Variants in ATP2A2 observed in about 807,000 individuals in gnomAD.
The protein encoded by ATP2A2 is sarcoplasmic/endoplasmic reticulum calcium ATPase 2.
Under a neutral mutation model 109.3 loss-of-function variants are expected in ATP2A2, and 14 were observed. That is an observed-to-expected ratio of 0.13 (90% CI 0.08 to 0.20). The LOEUF (loss-of-function observed/expected upper bound fraction) is 0.20, where lower values mean the gene tolerates loss of function less well. Among genes scored for constraint, ATP2A2 ranks in the 10% least tolerant of loss-of-function variants. The pLI is 1.00. For synonymous variants in ATP2A2, 506 were observed against 490.9 expected (o/e 1.03, Z -0.41); for missense variants, 657 against 1,321.6 (o/e 0.50, Z 7.80).
rs1592863811 is a variant in ATP2A2, at chr12:110,342,535, G to A, written c.2318+87G>A. ...GTTCTCGCAGTTTGCTCTCCAGATT[G>A]CAGCAGCTTTGGTCTTTGTGCCTGA... On this transcript the variant is annotated intron_variant, in intron 15 of 19. Transcript: ENST00000539276. The surrounding 1 kb of genome is among the most constrained non-coding windows in gnomAD (Gnocchi z 4.6). The A allele has an allele frequency of 1.4e-6, 2 of 1,452,974 alleles. No individual in the cohort carries two copies. Among genetic ancestry groups the A allele is most frequent in the East Asian group, 4.8e-5 (2 of 41,730 alleles). 90.0% of individuals were successfully genotyped at this position (1,452,974 alleles called of 1,614,324 possible).
intron 3 of ATP2A2, among the ~76,000 whole-genome samples, chr12:110,284,967 G>C (rs1205871532): frequency 6.6e-6 from 1 of 152,156 alleles, no homozygotes. Flanking sequence ...TCTTTTAAAA[G>C]AAAGAGCACT....
intron 5 of ATP2A2, among the ~76,000 whole-genome samples, chr12:110,311,651 G>A (rs1180483702): frequency 2.9e-5 from 4 of 139,964 alleles, no homozygotes; most frequent in Non-Finnish European, 3.0e-5. Context: ...GAGCTATAGC[G>A]TCCAGCTAAT....
chr12:110,349,692 G>A lies in ATP2A2; in HGVS notation c.*3222G>A. On this transcript the variant is annotated 3_prime_UTR_variant, in exon 20 of 20. Coordinates refer to ENST00000539276, the MANE Select transcript of ATP2A2 (RefSeq NM_170665.4). The stretch of plus-strand genomic sequence containing the variant: ...CTACCAAGCATCTAGCCACTGTCCA[G>A]GGCCAGAGCATACCACGTCTGCAGT... 1 of 997,826 alleles carries A rather than the reference G, an allele frequency of 1.0e-6. No homozygotes were observed. The highest frequency in any genetic ancestry group is 1.2e-6 in the Non-Finnish European group (1 of 836,100). 61.8% of individuals were successfully genotyped at this position (997,826 alleles called of 1,614,324 possible).
At position 110,323,091 on chromosome 12, in the gene ATP2A2, G is replaced by C. The variant is rs1477629403; in HGVS notation, c.544+19G>C. The C allele has an allele frequency of 2.5e-6, 4 of 1,577,854 alleles. No individual in the cohort carries two copies. The African/African-American group carries it at 5.4e-5, about 21-fold the overall frequency. On this transcript the variant is annotated intron_variant, in intron 6 of 19. Coordinates refer to ENST00000539276, the MANE Select transcript of ATP2A2 (RefSeq NM_170665.4). Reference sequence around the variant, plus strand: ...CTCACAGGTAAATATGATATATTAAGTCATTGAATTTCTGAAGACCTTCGC... The same window carrying C: ...CTCACAGGTAAATATGATATATTAACTCATTGAATTTCTGAAGACCTTCGC...
intron 3 of ATP2A2, among the ~76,000 whole-genome samples, chr12:110,288,101 CTTTTTTTT>C (rs71083111): frequency 1.1e-5 from 1 of 87,300 alleles, no homozygotes; most frequent in African/African-American, 5.3e-5. Context: ...ATGCTTTGCC[CTTTTTTTT>C]TTTTTTTTTT....
At position 110,327,858 on chromosome 12, in the gene ATP2A2, T is replaced by C; in HGVS notation, c.936T>C (p.Pro312=). ...TAGCAGCCATTCCTGAAGGTCTGCC[T>C]GCAGTCATCACCACCTGCCTGGCTC... ...LAVAAIPEGL[P]AVITTCLALG... is the part of the protein sequence containing the mutation. Residue 312 remains proline, a synonymous_variant, in exon 8 of 20, where the codon CCT becomes CCC. Transcript: ENST00000539276. This position sits in a 1 kb window ranked among gnomAD's most constrained non-coding sequence, Gnocchi z 4.4. The C allele has an allele frequency of 6.2e-7, 1 of 1,614,154 alleles. No homozygotes were observed.
intron 4 of ATP2A2, 151 bp downstream of exon 4, chr12:110,292,275 T>C: frequency 1.4e-6 from 1 of 711,892 alleles, no homozygotes; most frequent in Non-Finnish European, 2.5e-6. Flanking sequence ...TTCCATAAAT[T>C]AATTGTTTTC....
chr12:110,347,710 A>T lies in ATP2A2; in HGVS notation c.*1240A>T. ...TCAATGTTTGCGCATGTTCGAGATG[A>T]GTCTCACCAACAGTGTGTAAGTCAT... is the stretch of plus-strand genomic sequence containing the variant. On this transcript the variant is annotated 3_prime_UTR_variant, in exon 20 of 20. Coordinates refer to ENST00000539276, the MANE Select transcript of ATP2A2 (RefSeq NM_170665.4). 8.6e-7 allele frequency: 1 copy of T among 1,165,572 alleles called. No homozygotes were observed. The highest frequency in any genetic ancestry group is 3.8e-5 in the Admixed American group (1 of 26,288). 72.2% of individuals were successfully genotyped at this position (1,165,572 alleles called of 1,614,324 possible).
At chr12:110,345,939 C>A (rs1173100037) in intron 18 of ATP2A2, 62 bp from the exon 19 acceptor site, 7 of 1,501,926 alleles carry the variant, frequency 4.7e-6, no homozygotes, top group Non-Finnish European at 6.5e-6. Flanking sequence ...CAGGGTCTTA[C>A]TGCCACTGTG....
At chr12:110,341,047 G>A in intron 14 of ATP2A2, 53 bp downstream of exon 14, 6 of 1,592,320 alleles carry the variant, frequency 3.8e-6, no homozygotes, top group African/African-American at 1.3e-5. Context: ...GCACATAGTA[G>A]CCTCTAATTT....
chr12:110,340,769 T>C lies in ATP2A2; in HGVS notation c.1872T>C (p.Thr624=). ...CAGGCATCCGGGTCATCATGATCAC[T>C]GGGGACAACAAGGGCACTGCTGTGG... The part of the protein sequence containing the change: ...RQAGIRVIMI[T]GDNKGTAVAI... The change falls in exon 14 of 20, where the codon ACT becomes ACC. Residue 624 remains threonine, a synonymous_variant. Coordinates refer to ENST00000539276, the MANE Select transcript of ATP2A2 (RefSeq NM_170665.4). The surrounding 1 kb of genome is among the most constrained non-coding windows in gnomAD (Gnocchi z 6.0). 6.2e-7 allele frequency: 1 copy of C among 1,614,146 alleles called. No homozygotes were observed. The highest frequency in any genetic ancestry group is 8.5e-7 in the Non-Finnish European group (1 of 1,180,012).
rs1426421253 is a variant in ATP2A2 at position 110,347,662 on chromosome 12, AACC to A, written c.*1202_*1204del. On this transcript the variant is annotated 3_prime_UTR_variant, in exon 20 of 20. Transcript: ENST00000539276. Reference sequence around the variant, plus strand: ...ACTATTTTTATTTGAATGTGGCACTAACCACCACCACCGTTACTACGATCAATG... The same window carrying A: ...ACTATTTTTATTTGAATGTGGCACTAACCACCACCGTTACTACGATCAATG... The A allele has an allele frequency of 2.5e-6, 3 of 1,179,058 alleles. No individual in the cohort carries two copies. Among genetic ancestry groups the A allele is most frequent in the Admixed American group, 3.6e-5 (1 of 27,912 alleles). The allele number at this position is 1,179,058 out of a possible 1,614,324, so 73.0% of individuals were successfully genotyped here. A position where few individuals can be genotyped will look rare whatever the true frequency, so the allele number is the denominator to read the frequency against.
At chr12:110,304,201 G>C (rs1875003814) in intron 5 of ATP2A2, among the ~76,000 whole-genome samples, 1 of 152,170 alleles carries the variant, frequency 6.6e-6, no homozygotes, top group Admixed American at 6.5e-5. Flanking sequence ...GTTGTTTCCA[G>C]TTTTGGTCTA....
At chr12:110,326,363 GT>G in intron 6 of ATP2A2, 26 bp from the exon 7 acceptor site, 1 of 1,602,348 alleles carries the variant, frequency 6.2e-7, no homozygotes, top group Non-Finnish European at 8.5e-7. Context: ...GCAGAGATCT[GT>G]TTTTTCTGTC....
intron 5 of ATP2A2, among the ~76,000 whole-genome samples, chr12:110,316,470 T>C (rs1195022550): frequency 2.0e-5 from 3 of 152,250 alleles, no homozygotes; most frequent in Non-Finnish European, 4.4e-5. Flanking sequence ...TGTTTCTAGC[T>C]TCGTGATGTT....
chr12:110,292,149 A>G (rs1207109343), intron 4 of ATP2A2, 25 bp downstream of exon 4: 3 of 1,523,480 alleles, frequency 2.0e-6, no homozygotes, highest in East Asian at 4.5e-5. Flanking sequence ...CTGTACTGCA[A>G]AATTTCAATA....
At position 110,348,995 on chromosome 12, in the gene ATP2A2, A is replaced by G. The variant is rs1880145278; in HGVS notation, c.*2525A>G. ...GTGGCCTTTACAAAAAAAGTTGAGT[A>G]GTGTGTGGCCTGCTGTCGCACAGCC... On this transcript the variant is annotated 3_prime_UTR_variant, in exon 20 of 20. Transcript: ENST00000539276. 2 of 985,328 alleles carry G rather than the reference A, an allele frequency of 2.0e-6. No homozygotes were observed. The highest frequency in any genetic ancestry group is 2.4e-6 in the Non-Finnish European group (2 of 829,982). 61.0% of individuals were successfully genotyped at this position (985,328 alleles called of 1,614,324 possible).
rs996195559 is a variant in ATP2A2, at chr12:110,348,915, A to G, written c.*2445A>G. 7.1e-6 allele frequency: 7 copies of G among 985,330 alleles called. No homozygotes were observed. The Admixed American group carries it at 3.1e-4, about 43-fold the overall frequency. The allele number at this position is 985,330 out of a possible 1,614,324, so 61.0% of individuals were successfully genotyped here. A position where few individuals can be genotyped will look rare whatever the true frequency, so the allele number is the denominator to read the frequency against. ...TGCAAACTGACTTGAGTGCTGCACT[A>G]TTGCTATTCCGTGCAAACAAAACTC... On this transcript the variant is annotated 3_prime_UTR_variant, in exon 20 of 20. Transcript: ENST00000539276.
chr12:110,297,725 C>T (rs1237055105), intron 5 of ATP2A2, among the ~76,000 whole-genome samples: 1 of 151,986 alleles, frequency 6.6e-6, no homozygotes, highest in East Asian at 1.9e-4. Context: ...CTCAAGCGAT[C>T]CTCCCACTTT....
Sources: allele counts gnomAD v4.1 joint callset (sites outside exome capture counted in the v4.1 genomes callset), GRCh38; gene constraint gnomAD v4.1.1; non-coding constraint Gnocchi (gnomAD v3.1); transcripts MANE v1.5; gene names NCBI Gene and HGNC (gene_info 2026-07-23, HGNC 2026-07-21).